Variants in GDF7 observed in about 807,000 individuals in gnomAD.
GDF7 encodes the protein growth differentiation factor 7.
Under a neutral mutation model 13.4 loss-of-function variants are expected in GDF7, and 12 were observed. That is an observed-to-expected ratio of 0.90 (90% CI 0.57 to 1.45). The LOEUF is 1.45. Ranked by LOEUF, GDF7 falls within the 40% of genes most tolerant of loss-of-function variation. The probability of loss-of-function intolerance (pLI) is 0.00; values close to 1 mark genes in which losing one functional copy is unlikely to be tolerated. For synonymous variants in GDF7, 330 were observed against 306.4 expected, an observed-to-expected ratio of 1.08 and a Z score of -0.80; for missense variants, 651 against 652.4, an observed-to-expected ratio of 1.00 and a Z score of 0.02.
chr2:20,671,291 C>G lies in GDF7; in HGVS notation c.1219C>G (p.Pro407Ala). The G allele has an allele frequency of 6.2e-7, 1 of 1,613,868 alleles. No homozygotes were observed. The highest frequency in any genetic ancestry group is 8.5e-7 in the Non-Finnish European group (1 of 1,179,964). Residue 407 changes from proline to alanine, a missense_variant, in exon 2 of 2, where the codon CCA (proline) becomes GCA (alanine). Physicochemically the swap from Pro to Ala is conservative, Grantham distance 27. Around this residue, in one of 4 missense-constraint regions of GDF7, gnomAD observed 101 missense variants for 139.2 expected, o/e 0.73. Transcript: ENST00000272224. The part of the protein sequence containing the change: ...IIQTLLNSMA[P>A]DAAPASCCVP... ...TCAGACGCTGCTCAACTCCATGGCACCAGACGCGGCGCCGGCCTCCTGCTG... is the reference window on the plus strand; with the variant it reads ...TCAGACGCTGCTCAACTCCATGGCAGCAGACGCGGCGCCGGCCTCCTGCTG...
At position 20,670,935 on chromosome 2, in the gene GDF7, C is replaced by T. The variant is rs1662109779; in HGVS notation, c.863C>T (p.Ala288Val). 1.9e-6 allele frequency: 3 copies of T among 1,571,052 alleles called. No homozygotes were observed. The highest frequency in any genetic ancestry group is 4.7e-5 in the East Asian group (2 of 42,522). The change falls in exon 2 of 2, where the codon GCC (alanine) becomes GTC (valine). Residue 288 changes from alanine to valine, a missense_variant. This residue lies in a region of GDF7 where 487 missense variants were observed against 445.9 expected (regional missense o/e 1.09). Transcript: ENST00000272224. ...ESLFREIRAQ[A>V]RALGAALASE... ...TTATTCCGGGAGATCCGCGCCCAGG[C>T]CCGCGCGCTCGGGGCCGCTCTGGCC...
chr2:20,671,437 G>A lies in GDF7; in HGVS notation c.*12G>A. Reference sequence around the variant, plus strand: ...GCGGCTGCAGGTAGCGCGAGGGCCGGGGAGGGGGCAGCCACGCGGCCGAGG... The same window carrying A: ...GCGGCTGCAGGTAGCGCGAGGGCCGAGGAGGGGGCAGCCACGCGGCCGAGG... On this transcript the variant is annotated 3_prime_UTR_variant, in exon 2 of 2. Coordinates refer to ENST00000272224, the MANE Select transcript of GDF7 (RefSeq NM_182828.4). 6.2e-7 allele frequency: 1 copy of A among 1,606,840 alleles called. No individual in the cohort carries two copies. The highest frequency in any genetic ancestry group is 1.1e-5 in the South Asian group (1 of 90,374).
rs1320881937 is a variant in GDF7 at position 20,671,364 on chromosome 2, C to A, written c.1292C>A (p.Ala431Asp). The A allele has an allele frequency of 6.2e-7, 1 of 1,612,896 alleles. No individual in the cohort carries two copies. Among genetic ancestry groups the A allele is most frequent in the Non-Finnish European group, 8.5e-7 (1 of 1,179,812 alleles). Residue 431 changes from alanine (A) to aspartate (D), a missense_variant, in exon 2 of 2, where the codon GCC (alanine) becomes GAC (aspartate). Physicochemically the swap from Ala to Asp is moderately radical, Grantham distance 126. Around this residue, in one of 4 missense-constraint regions of GDF7, gnomAD observed 101 missense variants for 139.2 expected, o/e 0.73. Transcript: ENST00000272224. ...SPISILYIDAANNVVYKQYED... is the reference protein window; with the variant it reads ...SPISILYIDADNNVVYKQYED... ...ATCAGCATCCTCTACATCGACGCCG[C>A]CAACAACGTTGTCTACAAGCAATAC...
chr2:20,674,390 A>G lies in GDF7; in HGVS notation c.*2965A>G. 6.6e-6 allele frequency: 1 copy of G among 152,216 alleles called. No individual in the cohort carries two copies. The highest frequency in any genetic ancestry group is 2.4e-5 in the African/African-American group (1 of 41,462). 9.4% of individuals were successfully genotyped at this position (152,216 alleles called of 1,614,324 possible). A position where few individuals can be genotyped will look rare whatever the true frequency, so the allele number is the denominator to read the frequency against. The stretch of plus-strand genomic sequence containing the variant: ...GTGCACTACTAGTTGACATCACTTG[A>G]ACCAGGATTTCCTGCTAGTGAGTAG... On this transcript the variant is annotated 3_prime_UTR_variant, in exon 2 of 2. Transcript: ENST00000272224.
chr2:20,670,482 C>G lies in GDF7; in HGVS notation c.410C>G (p.Thr137Arg). The G allele has an allele frequency of 1.3e-6, 2 of 1,549,288 alleles. No individual in the cohort carries two copies. The highest frequency in any genetic ancestry group is 1.7e-6 in the Non-Finnish European group (2 of 1,147,202). ...CCCGCAGACGAATCGGCAGCCGAAA[C>G]AGGCCAGAGCTTCCTGTTCGACGTG... ...QATQDESAAE[T>R]GQSFLFDVSS... Residue 137 changes from threonine to arginine, a missense_variant, in exon 2 of 2, where the codon ACA becomes AGA. By Grantham distance (71) the Thr-to-Arg change is moderately conservative (BLOSUM62 -1). Coordinates refer to ENST00000272224, the MANE Select transcript of GDF7 (RefSeq NM_182828.4).
In GDF7 at chr2:20,674,660, G is replaced by C. The variant is rs984359490; in HGVS notation, c.*3235G>C. ...TCTTCCAGAGAAGGTGGCAGGCTTT[G>C]CTGTGTTAGCTTGGGGAAGCCAGGC... On this transcript the variant is annotated 3_prime_UTR_variant, in exon 2 of 2. Transcript: ENST00000272224. 6.6e-6 allele frequency: 1 copy of C among 152,422 alleles called. No individual in the cohort carries two copies. The highest frequency in any genetic ancestry group is 2.1e-4 in the South Asian group (1 of 4,834). The allele number at this position is 152,422 out of a possible 1,614,324, so 9.4% of individuals were successfully genotyped here. A position where few individuals can be genotyped will look rare whatever the true frequency, so the allele number is the denominator to read the frequency against.
In GDF7 at chr2:20,667,208, C is replaced by A. The variant is rs1695970855; in HGVS notation, c.-32C>A. ...GGGGACTTCCCGGAGCCACGGAGCC[C>A]GCGCCGCCCGCCCGCCCGGCCCACG... On this transcript the variant is annotated 5_prime_UTR_variant, in exon 1 of 2. Transcript: ENST00000272224. The surrounding 1 kb of genome is among the most constrained non-coding windows in gnomAD (Gnocchi z 6.4). The A allele has an allele frequency of 1.7e-6, 2 of 1,155,264 alleles. No individual in the cohort carries two copies. The highest frequency in any genetic ancestry group is 1.6e-5 in the African/African-American group (1 of 61,096). 71.6% of individuals were successfully genotyped at this position (1,155,264 alleles called of 1,614,324 possible).
chr2:20,670,722 T>G lies in GDF7; in HGVS notation c.650T>G (p.Met217Arg). ...GAGGCGTTCGACGTGGCGGACGCCATGAGGCGCCACCGTCGTGAACCGCGC... is the reference window on the plus strand; with the variant it reads ...GAGGCGTTCGACGTGGCGGACGCCAGGAGGCGCCACCGTCGTGAACCGCGC... ...RWEAFDVADAMRRHRREPRPP... is the reference protein window; with the variant it reads ...RWEAFDVADARRRHRREPRPP... Residue 217 changes from methionine to arginine, a missense_variant, in exon 2 of 2, where the codon ATG becomes AGG. Met to Arg is a moderately conservative substitution (Grantham distance 91). Coordinates refer to ENST00000272224, the MANE Select transcript of GDF7 (RefSeq NM_182828.4). The G allele has an allele frequency of 6.8e-7, 1 of 1,480,108 alleles. No homozygotes were observed. Among genetic ancestry groups the G allele is most frequent in the South Asian group, 1.3e-5 (1 of 76,118 alleles). 91.7% of individuals were successfully genotyped at this position (1,480,108 alleles called of 1,614,324 possible). A position where few individuals can be genotyped will look rare whatever the true frequency, so the allele number is the denominator to read the frequency against.
At position 20,670,727 on chromosome 2, in the gene GDF7, C is replaced by A; in HGVS notation, c.655C>A (p.Arg219Ser). The A allele has an allele frequency of 6.8e-7, 1 of 1,479,518 alleles. No individual in the cohort carries two copies. The highest frequency in any genetic ancestry group is 8.9e-7 in the Non-Finnish European group (1 of 1,120,784). The allele number at this position is 1,479,518 out of a possible 1,614,324, so 91.6% of individuals were successfully genotyped here. The change falls in exon 2 of 2, where the codon CGC becomes AGC. Residue 219 changes from arginine to serine, a missense_variant. Arg to Ser is a moderately radical substitution (Grantham distance 110, BLOSUM62 -1). Transcript: ENST00000272224. The stretch of plus-strand genomic sequence containing the variant: ...GTTCGACGTGGCGGACGCCATGAGG[C>A]GCCACCGTCGTGAACCGCGCCCCCC... ...EAFDVADAMRRHRREPRPPRA... is the reference protein window; with the variant it reads ...EAFDVADAMRSHRREPRPPRA...
intron 1 of GDF7, among the ~76,000 whole-genome samples, chr2:20,668,531 C>T (rs187950121): frequency 3.3e-5 from 5 of 152,344 alleles, no homozygotes; most frequent in Admixed American, 2.0e-4. Flanking sequence ...CAAGTAATTT[C>T]GGCCTTAATT....
Position 20,673,989 on chromosome 2 carries a change from A to C in GDF7, c.*2564A>C, listed in dbSNP as rs1225742464. On this transcript the variant is annotated 3_prime_UTR_variant, in exon 2 of 2. Coordinates refer to ENST00000272224, the MANE Select transcript of GDF7 (RefSeq NM_182828.4). ...CTCAGTCCATTCACTAGGTGAATGC[A>C]GAGGATCCATTTCACTTGTAAAAAT... The C allele has an allele frequency of 6.6e-6, 1 of 152,278 alleles. No individual in the cohort carries two copies. The highest frequency in any genetic ancestry group is 1.9e-4 in the East Asian group (1 of 5,202). The allele number at this position is 152,278 out of a possible 1,614,324, so 9.4% of individuals were successfully genotyped here.
chr2:20,670,601 C>G lies in GDF7; in HGVS notation c.529C>G (p.Pro177Ala), dbSNP rs201152486. 1 of 1,594,378 alleles carries G rather than the reference C, an allele frequency of 6.3e-7. No individual in the cohort carries two copies. The highest frequency in any genetic ancestry group is 8.5e-7 in the Non-Finnish European group (1 of 1,172,580). ...GTCGGGCCCAGGCAGCTGGACTTCT[C>G]CGCCGTTGCTGCTGCTGTCCACGTG... The part of the protein sequence containing the change: ...PESGPGSWTS[P>A]PLLLLSTCPG... Residue 177 changes from proline to alanine, a missense_variant, in exon 2 of 2, where the codon CCG (proline) becomes GCG (alanine). Pro to Ala is a conservative substitution (Grantham distance 27, BLOSUM62 -1). Around this residue, in one of 4 missense-constraint regions of GDF7, gnomAD observed 487 missense variants for 445.9 expected, o/e 1.09. Coordinates refer to ENST00000272224, the MANE Select transcript of GDF7 (RefSeq NM_182828.4).
rs199521456 is a variant in GDF7 at position 20,670,946 on chromosome 2, G to C, written c.874G>C (p.Gly292Arg). ...GATCCGCGCCCAGGCCCGCGCGCTC[G>C]GGGCCGCTCTGGCCTCAGAGCCGCT... ...REIRAQARAL[G>R]AALASEPLPD... The change falls in exon 2 of 2, where the codon GGG becomes CGG. Residue 292 changes from glycine (G) to arginine (R), a missense_variant. Around this residue, in one of 4 missense-constraint regions of GDF7, gnomAD observed 487 missense variants for 445.9 expected, o/e 1.09. Transcript: ENST00000272224. The C allele has an allele frequency of 8.8e-4, 1,382 of 1,568,968 alleles. 4 individuals carry two copies. The highest frequency in any genetic ancestry group is 1.1e-3 in the Non-Finnish European group (1,235 of 1,165,950).
Position 20,670,459 on chromosome 2 carries a change from C to A in GDF7, c.392-5C>A, listed in dbSNP as rs1352283413. 6.5e-7 allele frequency: 1 copy of A among 1,530,258 alleles called. No individual in the cohort carries two copies. Among genetic ancestry groups the A allele is most frequent in the Non-Finnish European group, 8.8e-7 (1 of 1,137,424 alleles). The allele number at this position is 1,530,258 out of a possible 1,614,324, so 94.8% of individuals were successfully genotyped here. On this transcript the variant is annotated splice_region_variant and splice_polypyrimidine_tract_variant and intron_variant, in intron 1 of 1. Coordinates refer to ENST00000272224, the MANE Select transcript of GDF7 (RefSeq NM_182828.4). Reference sequence around the variant, plus strand: ...TTTCTCTCTGTCCCTGCCGGTCCCCCGCAGACGAATCGGCAGCCGAAACAG... The same window carrying A: ...TTTCTCTCTGTCCCTGCCGGTCCCCAGCAGACGAATCGGCAGCCGAAACAG...
In GDF7 at chr2:20,667,448, C is replaced by CCCGCGCCGCGCG. The variant is rs776133674; in HGVS notation, c.220_231dup (p.Arg74_Ala77dup). ...GTCCCGGCCGCCGCGGTTCCCCGGG[C>CCCGCGCCGCGCG]CCGCGCCGCGCGCCGCGCCGCGGGC... On this transcript the variant is annotated inframe_insertion, in exon 1 of 2. Transcript: ENST00000272224. The surrounding 1 kb of genome is among the most constrained non-coding windows in gnomAD (Gnocchi z 6.4). The CCCGCGCCGCGCG allele has an allele frequency of 8.7e-6, 10 of 1,143,644 alleles. No homozygotes were observed. The highest frequency in any genetic ancestry group is 8.3e-5 in the East Asian group (2 of 24,030). The allele number at this position is 1,143,644 out of a possible 1,614,324, so 70.8% of individuals were successfully genotyped here. A position where few individuals can be genotyped will look rare whatever the true frequency, so the allele number is the denominator to read the frequency against.
rs1357911880 is a variant in GDF7, at chr2:20,678,389, T to C, written c.*6964T>C. The stretch of plus-strand genomic sequence containing the variant: ...GAAGCATTTCACCCTAAATGAAAAG[T>C]TAATGCATTTTTTACAAGGATTAAC... On this transcript the variant is annotated 3_prime_UTR_variant, in exon 2 of 2. Transcript: ENST00000272224. 1 of 152,256 alleles carries C rather than the reference T, an allele frequency of 6.6e-6. No homozygotes were observed. The highest frequency in any genetic ancestry group is 6.5e-5 in the Admixed American group (1 of 15,290). 9.4% of individuals were successfully genotyped at this position (152,256 alleles called of 1,614,324 possible).
At position 20,672,420 on chromosome 2, in the gene GDF7, C is replaced by T. The variant is rs1430886775; in HGVS notation, c.*995C>T. 3.9e-5 allele frequency: 6 copies of T among 152,332 alleles called. No individual in the cohort carries two copies. In the East Asian group the frequency reaches 9.7e-4, roughly 25 times the overall value. 9.4% of individuals were successfully genotyped at this position (152,332 alleles called of 1,614,324 possible). ...TTCCTAAGAAGCCAGGGAAGAGGCT[C>T]TCAGGGCTTGAAAGGCAAGGAGGTG... On this transcript the variant is annotated 3_prime_UTR_variant, in exon 2 of 2. Transcript: ENST00000272224.
rs1332320659 is a variant in GDF7 at position 20,670,679 on chromosome 2, C to CT, written c.608dup (p.Val204SerfsTer20). On this transcript the variant is annotated frameshift_variant, in exon 2 of 2. Coordinates refer to ENST00000272224, the MANE Select transcript of GDF7 (RefSeq NM_182828.4). LOFTEE classifies it low-confidence loss of function (END_TRUNC). ...GCTGTACTCGCGGGCAGCTGAGCCC[C>CT]TAGTCGGTCAGCGCTGGGAGGCGTT... 2.0e-6 allele frequency: 3 copies of CT among 1,516,894 alleles called. No individual in the cohort carries two copies. The highest frequency in any genetic ancestry group is 8.8e-7 in the Non-Finnish European group (1 of 1,136,524). 94.0% of individuals were successfully genotyped at this position (1,516,894 alleles called of 1,614,324 possible).
chr2:20,669,615 C>G (rs377175426), intron 1 of GDF7, among the ~76,000 whole-genome samples: 2 of 152,222 alleles, frequency 1.3e-5, no homozygotes, highest in East Asian at 3.9e-4. Context: ...CGGGATGCCC[C>G]GCACCCCTCC....
Sources: gnomAD v4.1 joint callset for allele counts (sites outside exome capture counted in the v4.1 genomes callset) on GRCh38, gnomAD v4.1.1 for gene constraint, gnomAD v4.1.1 regional missense constraint, Gnocchi (gnomAD v3.1) non-coding constraint, MANE v1.5 for transcripts, NCBI Gene and HGNC (gene_info 2026-07-23, HGNC 2026-07-21) for gene names.